TIMP3: variants seen among roughly 807,000 people sequenced by gnomAD.
The protein encoded by TIMP3 is TIMP metallopeptidase inhibitor 3, also known as metalloproteinase inhibitor 3.
Under a neutral mutation model 30.0 loss-of-function variants are expected in TIMP3, and 11 were observed. The ratio of observed to expected loss-of-function variants is 0.37; its 90% CI spans 0.23 to 0.61. TIMP3 has a LOEUF of 0.61. Ranked by LOEUF, TIMP3 falls within the 20% of genes least tolerant of loss-of-function variation. TIMP3 has a pLI of 0.70. For missense variants in TIMP3, 181 were observed against 276.8 expected, an observed-to-expected ratio of 0.65 and a Z score of 2.45; for synonymous variants, 112 against 111.3, an observed-to-expected ratio of 1.01 and a Z score of -0.04.
intron 1 of TIMP3, among the ~76,000 whole-genome samples, chr22:32,841,184 G>A (rs149457977): frequency 4.6e-5 from 7 of 152,278 alleles, no homozygotes; most frequent in Admixed American, 1.3e-4. Context: ...GGCACTCTTC[G>A]GGCAGCTTTG....
intron 1 of TIMP3, among the ~76,000 whole-genome samples, chr22:32,829,113 G>A (rs949184793): frequency 7.2e-5 from 11 of 152,058 alleles, no homozygotes; most frequent in African/African-American, 2.4e-4. Flanking sequence ...TGAAGAAGAC[G>A]GGCAGAGATG....
At position 32,858,044 on chromosome 22, in the gene TIMP3, C is replaced by T. The variant is rs773248900; in HGVS notation, c.344C>T (p.Thr115Met). ...TGRVYDGKMY[T>M]GLCNFVERWD... ...CGCGTCTATGATGGCAAGATGTACA[C>T]GGGGCTGTGCAACTTCGTGGAGAGG... is the stretch of plus-strand genomic sequence containing the variant. The change falls in exon 4 of 5, where the codon ACG becomes ATG. Residue 115 changes from threonine (T) to methionine (M), a missense_variant. Physicochemically the swap from Thr to Met is moderately conservative, Grantham distance 81. This residue lies in a region of TIMP3 where 63 missense variants were observed against 133.3 expected (regional missense o/e 0.47). Coordinates refer to ENST00000266085, the MANE Select transcript of TIMP3 (RefSeq NM_000362.5). 1.1e-5 allele frequency: 17 copies of T among 1,614,032 alleles called. No individual in the cohort carries two copies. The Admixed American group carries it at 1.5e-4, about 14-fold the overall frequency.
rs779686845 is a variant in TIMP3 at position 32,859,350 on chromosome 22, A to G, written c.609A>G (p.Lys203=). The change falls in exon 5 of 5, where the codon AAA becomes AAG. Residue 203 remains lysine, a synonymous_variant. Transcript: ENST00000266085. Reference sequence around the variant, plus strand: ...ACCGAGGATGGGCCCCCCCGGATAAAAGCATCATCAATGCCACAGACCCCT... The same window carrying G: ...ACCGAGGATGGGCCCCCCCGGATAAGAGCATCATCAATGCCACAGACCCCT... The part of the protein sequence containing the change: ...SWYRGWAPPD[K]SIINATDP 1 of 1,612,512 alleles carries G rather than the reference A, an allele frequency of 6.2e-7. No individual in the cohort carries two copies. Among genetic ancestry groups the G allele is most frequent in the Non-Finnish European group, 8.5e-7 (1 of 1,180,008 alleles).
Position 32,861,712 on chromosome 22 carries a change from AAAG to A in TIMP3, c.*2339_*2341del, listed in dbSNP as rs2048543315. On this transcript the variant is annotated 3_prime_UTR_variant, in exon 5 of 5. Coordinates refer to ENST00000266085, the MANE Select transcript of TIMP3 (RefSeq NM_000362.5). The stretch of plus-strand genomic sequence containing the variant: ...AGGCCTTGGTGAGGAGGCCCTGGGC[AAAG>A]AAGGGTCTTTCGCAAAGCGATGTCA... 2 of 152,666 alleles carry A rather than the reference AAAG, an allele frequency of 1.3e-5. No individual in the cohort carries two copies. Among genetic ancestry groups the A allele is most frequent in the Non-Finnish European group, 2.9e-5 (2 of 68,040 alleles). The allele number at this position is 152,666 out of a possible 1,614,324, so 9.5% of individuals were successfully genotyped here.
chr22:32,844,188 G>C (rs2047996124), intron 1 of TIMP3, among the ~76,000 whole-genome samples: 1 of 152,190 alleles, frequency 6.6e-6, no homozygotes, highest in Non-Finnish European at 1.5e-5. Context: ...TCTGGATTTG[G>C]TTGACAATGG....
intron 1 of TIMP3, among the ~76,000 whole-genome samples, chr22:32,805,824 A>T (rs2046718834): frequency 6.6e-6 from 1 of 152,092 alleles, no homozygotes; most frequent in South Asian, 2.1e-4. Context: ...TGACCAGGAG[A>T]TGGAATGGAT....
intron 1 of TIMP3, among the ~76,000 whole-genome samples, chr22:32,844,860 G>A (rs1437252917): frequency 1.3e-5 from 2 of 151,814 alleles, no homozygotes; most frequent in African/African-American, 2.4e-5. Flanking sequence ...ACAGATACAC[G>A]GCACCATGCC....
At chr22:32,825,368 G>C (rs2146089747) in intron 1 of TIMP3, among the ~76,000 whole-genome samples, 1 of 152,182 alleles carries the variant, frequency 6.6e-6, no homozygotes, top group Middle Eastern at 3.4e-3. Flanking sequence ...GCTAAGATGT[G>C]TGTATGTGTT....
chr22:32,839,873 G>A (rs769511195), intron 1 of TIMP3, among the ~76,000 whole-genome samples: 2 of 151,882 alleles, frequency 1.3e-5, no homozygotes. Context: ...TCCCCTTCCC[G>A]GCCCCTTCAT....
intron 1 of TIMP3, among the ~76,000 whole-genome samples, chr22:32,827,198 C>T (rs533301248): frequency 1.2e-3 from 187 of 152,328 alleles, no homozygotes; most frequent in African/African-American, 4.3e-3. Context: ...CAGCGAGTGA[C>T]TTTGCGTGGA....
intron 1 of TIMP3, among the ~76,000 whole-genome samples, chr22:32,845,549 T>A (rs993857737): frequency 6.6e-6 from 1 of 152,088 alleles, no homozygotes; most frequent in African/African-American, 2.4e-5. Context: ...AAGCGGGAAA[T>A]AGGACTTCTA....
chr22:32,810,427 G>C (rs925875069), intron 1 of TIMP3, among the ~76,000 whole-genome samples: 1 of 151,952 alleles, frequency 6.6e-6, no homozygotes, highest in African/African-American at 2.4e-5. Context: ...CTGGCTTTTT[G>C]TGGGGGTGGG....
chr22:32,810,519 T>C (rs1459921024), intron 1 of TIMP3, among the ~76,000 whole-genome samples: 8 of 128,546 alleles, frequency 6.2e-5, no homozygotes, highest in East Asian at 2.6e-4. Context: ...CCCTAGATGA[T>C]TGGGCGGGGG....
intron 1 of TIMP3, among the ~76,000 whole-genome samples, chr22:32,804,745 C>T (rs1022943188): frequency 6.6e-6 from 1 of 152,190 alleles, no homozygotes; most frequent in African/African-American, 2.4e-5. Flanking sequence ...GCCCTGCACC[C>T]TATGGAAGTG....
intron 2 of TIMP3, among the ~76,000 whole-genome samples, chr22:32,852,480 G>C (rs938350354): frequency 6.6e-6 from 1 of 152,168 alleles, no homozygotes; most frequent in Non-Finnish European, 1.5e-5. Flanking sequence ...AGGCAAGCCT[G>C]CATGAGTTTT....
At chr22:32,807,423 TTA>T (rs546588724) in intron 1 of TIMP3, among the ~76,000 whole-genome samples, 17,498 of 128,618 alleles carry the variant, frequency 0.14, 1,433 homozygotes, top group Admixed American at 0.17. Context: ...TACATATATA[TTA>T]TATATATAAT....
chr22:32,811,521 C>T (rs1043110822), intron 1 of TIMP3, among the ~76,000 whole-genome samples: 1 of 152,124 alleles, frequency 6.6e-6, no homozygotes, highest in Non-Finnish European at 1.5e-5. Context: ...GGTTTGATCC[C>T]CCCGCCTCCA....
chr22:32,841,467 G>C (rs2047899375), intron 1 of TIMP3, among the ~76,000 whole-genome samples: 1 of 152,140 alleles, frequency 6.6e-6, no homozygotes, highest in Non-Finnish European at 1.5e-5. Flanking sequence ...TGGGTGCTAG[G>C]GTGTGCAGTA....
chr22:32,826,333 G>A (rs1410399370), intron 1 of TIMP3, among the ~76,000 whole-genome samples: 1 of 152,176 alleles, frequency 6.6e-6, no homozygotes, highest in Non-Finnish European at 1.5e-5. Context: ...GGAGGCTGAG[G>A]CAGGAGAATC....
Sources: allele counts gnomAD v4.1 joint callset (sites outside exome capture counted in the v4.1 genomes callset), GRCh38; gene constraint gnomAD v4.1.1; regional missense constraint gnomAD v4.1.1; transcripts MANE v1.5; gene names NCBI Gene and HGNC (gene_info 2026-07-23, HGNC 2026-07-21).